Variants in TBL2 observed in about 807,000 individuals in gnomAD.
TBL2 encodes the protein transducin beta like 2, also known as transducin beta-like protein 2.
TBL2 carries 33 observed loss-of-function variants against 41.8 expected under a neutral mutation model. The observed-to-expected ratio is 0.79, with a 90% CI of 0.60 to 1.06. TBL2 has a LOEUF of 1.06. TBL2 is among the 50% of genes least tolerant of loss of function. The pLI is 0.00. For synonymous variants in TBL2, 239 were observed against 241.7 expected, an observed-to-expected ratio of 0.99 and a Z score of 0.10; for missense variants, 522 against 603.8, an observed-to-expected ratio of 0.86 and a Z score of 1.42.
rs1291450165 is a variant in TBL2 at position 73,568,694 on chromosome 7, G to C, written c.*1813C>G. On this transcript the variant is annotated 3_prime_UTR_variant, in exon 7 of 7. Transcript: ENST00000305632. ...ATCCCAGCACTTGGGGAGGCCAAGG[G>C]GGGTGGTGGATCATTTGAGGTCAGG... Among the ~76,000 whole-genome samples, 4 of 152,244 alleles carry C rather than the reference G, an allele frequency of 2.6e-5. No individual in the cohort carries two copies. The highest frequency in any genetic ancestry group is 4.4e-5 in the Non-Finnish European group (3 of 68,024).
Position 73,570,607 on chromosome 7 carries a change from T to A in TBL2, c.1244A>T (p.His415Leu), listed in dbSNP as rs782115467. 1 of 1,613,236 alleles carries A rather than the reference T, an allele frequency of 6.2e-7. No homozygotes were observed. The highest frequency in any genetic ancestry group is 1.1e-5 in the South Asian group (1 of 90,986). The change falls in exon 7 of 7, where the codon CAC becomes CTC. Residue 415 changes from histidine (H) to leucine (L), a missense_variant. Transcript: ENST00000305632. ...HRAMVEEMQG[H>L]LKRASNESTR... The stretch of plus-strand genomic sequence containing the variant: ...GCTCTCGTTGGAGGCCCGCTTCAGG[T>A]GGCCCTGCATCTCCTCCACCATGGC...
At chr7:73,578,110 T>A in intron 1 of TBL2, 1 of 711,608 alleles carries the variant, frequency 1.4e-6, no homozygotes, top group South Asian at 2.0e-5. Context: ...TTTTCCGAGA[T>A]CGCGGCCACG....
chr7:73,570,208 C>A lies in TBL2; in HGVS notation c.*299G>T, dbSNP rs782297831. On this transcript the variant is annotated 3_prime_UTR_variant, in exon 7 of 7. Coordinates refer to ENST00000305632, the MANE Select transcript of TBL2 (RefSeq NM_012453.4). ...CTGCCACAAGGCCAAAAATCACATT[C>A]TCTCTCTCTCTCCTCTCCTCTCTAC... 3.2e-4 allele frequency: 87 copies of A among 272,120 alleles called. No homozygotes were observed. Among genetic ancestry groups the A allele is most frequent in the Non-Finnish European group, 5.4e-4 (78 of 145,764 alleles). 16.9% of individuals were successfully genotyped at this position (272,120 alleles called of 1,614,324 possible). A position where few individuals can be genotyped will look rare whatever the true frequency, so the allele number is the denominator to read the frequency against.
Position 73,569,005 on chromosome 7 carries a change from T to G in TBL2, c.*1502A>C, listed in dbSNP as rs1434129755. The G allele has an allele frequency of 6.6e-6, 1 of 151,740 alleles. No individual in the cohort carries two copies. The highest frequency in any genetic ancestry group is 1.5e-5 in the Non-Finnish European group (1 of 67,948). The allele number at this position is 151,740 out of a possible 1,614,324, so 9.4% of individuals were successfully genotyped here. On this transcript the variant is annotated 3_prime_UTR_variant, in exon 7 of 7. Transcript: ENST00000305632. ...AAGTGTGATGGGAAGCCTTGGGGGG[T>G]TTTAACTAGGGAATAATGTGATCTG...
Position 73,578,460 on chromosome 7 carries a change from C to A in TBL2, c.90G>T (p.Gly30=), listed in dbSNP as rs1261957802. The change falls in exon 1 of 7, where the codon GGG becomes GGT. Residue 30 remains glycine, a synonymous_variant. Transcript: ENST00000305632. Reference sequence around the variant, plus strand: ...TCCTCTCCTCCCCCGCGCGCAGCCACCCCCGCGCTACCGCCGCCGTCGCCA... The same window carrying A: ...TCCTCTCCTCCCCCGCGCGCAGCCAACCCCGCGCTACCGCCGCCGTCGCCA... ...ALMATAAVAR[G]WLRAGEERSG... 2 of 1,560,470 alleles carry A rather than the reference C, an allele frequency of 1.3e-6. No homozygotes were observed. Among genetic ancestry groups the A allele is most frequent in the Non-Finnish European group, 1.7e-6 (2 of 1,156,654 alleles).
In TBL2 at chr7:73,567,931, A is replaced by G. The variant is rs1480135255; in HGVS notation, c.*2576T>C. Among the ~76,000 whole-genome samples the G allele has an allele frequency of 7.2e-5, 11 of 152,166 alleles. No homozygotes were observed. The South Asian group carries it at 2.3e-3, about 32-fold the overall frequency. On this transcript the variant is annotated 3_prime_UTR_variant, in exon 7 of 7. Coordinates refer to ENST00000305632, the MANE Select transcript of TBL2 (RefSeq NM_012453.4). ...AGACATCTGACTTCAGTAACTCAAC[A>G]TTCTACTGCCACTTCCTGTCCTGGA...
Position 73,578,428 on chromosome 7 carries a change from C to A in TBL2, c.122G>T (p.Arg41Leu). 1 of 1,528,146 alleles carries A rather than the reference C, an allele frequency of 6.5e-7. No individual in the cohort carries two copies. The highest frequency in any genetic ancestry group is 8.8e-7 in the Non-Finnish European group (1 of 1,139,286). 94.7% of individuals were successfully genotyped at this position (1,528,146 alleles called of 1,614,324 possible). A position where few individuals can be genotyped will look rare whatever the true frequency, so the allele number is the denominator to read the frequency against. Reference protein sequence around the residue: ...WLRAGEERSGRPACQKANGFP... With the variant: ...WLRAGEERSGLPACQKANGFP... Reference sequence around the variant, plus strand: ...GACCCGGCCCCACTTACAGGCGGGCCGGCCGCTCCTCTCCTCCCCCGCGCG... The same window carrying A: ...GACCCGGCCCCACTTACAGGCGGGCAGGCCGCTCCTCTCCTCCCCCGCGCG... Residue 41 changes from arginine (R) to leucine (L), a missense_variant, in exon 1 of 7, where the codon CGG (arginine) becomes CTG (leucine). Arg to Leu is a moderately radical substitution (Grantham distance 102). Coordinates refer to ENST00000305632, the MANE Select transcript of TBL2 (RefSeq NM_012453.4).
At chr7:73,572,214 C>G (rs782268564) in intron 5 of TBL2, among the ~76,000 whole-genome samples, 1 of 152,016 alleles carries the variant, frequency 6.6e-6, no homozygotes, top group Non-Finnish European at 1.5e-5. Context: ...TTTGGGAGGT[C>G]GAGGCAAGAG....
At chr7:73,574,677 CTGGCTGGGTATGG>C (rs1793184293) in intron 1 of TBL2, 164 bp from the exon 2 acceptor site, 1 of 962,614 alleles carries the variant, frequency 1.0e-6, no homozygotes, top group African/African-American at 1.6e-5. Flanking sequence ...GAGGCTTTGG[CTGGCTGGGTATGG>C]TGGCTCATGC....
intron 1 of TBL2, among the ~76,000 whole-genome samples, chr7:73,575,765 T>C (rs1554588795): frequency 6.6e-6 from 1 of 152,004 alleles, no homozygotes; most frequent in East Asian, 1.9e-4. Context: ...GGTTGAGAAC[T>C]GGGGGCGGTG....
At chr7:73,573,866 A>C in intron 3 of TBL2, 72 bp downstream of exon 3, 1 of 1,564,490 alleles carries the variant, frequency 6.4e-7, no homozygotes, top group Non-Finnish European at 8.6e-7. Flanking sequence ...CACTACCTCA[A>C]AGCAGATATG....
chr7:73,575,954 T>C (rs1410888862), intron 1 of TBL2, among the ~76,000 whole-genome samples: 4 of 151,790 alleles, frequency 2.6e-5, no homozygotes, highest in African/African-American at 7.3e-5. Context: ...GGAGGGAAAA[T>C]TGCTTGAGCC....
At position 73,573,076 on chromosome 7, in the gene TBL2, C is replaced by T. The variant is rs143856190; in HGVS notation, c.599-106G>A. 110 of 1,524,892 alleles carry T rather than the reference C, an allele frequency of 7.2e-5. No individual in the cohort carries two copies. The African/African-American group carries it at 1.2e-3, about 16-fold the overall frequency. The allele number at this position is 1,524,892 out of a possible 1,614,324, so 94.5% of individuals were successfully genotyped here. On this transcript the variant is annotated intron_variant, in intron 4 of 6. Coordinates refer to ENST00000305632, the MANE Select transcript of TBL2 (RefSeq NM_012453.4). ...GCTGCCCGAAGTATACATGTCTCCT[C>T]CCAGGCCAAGGGTCACTACAGATAA... is the stretch of plus-strand genomic sequence containing the variant.
Position 73,574,375 on chromosome 7 carries a change from C to T in TBL2, c.261+8G>A, listed in dbSNP as rs1038446600. 2.5e-6 allele frequency: 4 copies of T among 1,612,884 alleles called. No individual in the cohort carries two copies. In the South Asian group the frequency reaches 3.3e-5, roughly 13 times the overall value. ...CAGGGTGCACGCTGTGCCAGGTACC[C>T]CACGTACCTTCAGAGCTGCAGCCAG... On this transcript the variant is annotated splice_region_variant and intron_variant, in intron 2 of 6. Transcript: ENST00000305632.
At position 73,574,049 on chromosome 7, in the gene TBL2, C is replaced by G; in HGVS notation, c.335G>C (p.Arg112Pro). The G allele has an allele frequency of 6.2e-7, 1 of 1,614,112 alleles. No homozygotes were observed. Among genetic ancestry groups the G allele is most frequent in the Non-Finnish European group, 8.5e-7 (1 of 1,180,018 alleles). The change falls in exon 3 of 7, where the codon CGC (arginine) becomes CCC (proline). Residue 112 changes from arginine to proline, a missense_variant. Physicochemically the swap from Arg to Pro is moderately radical, Grantham distance 103. Coordinates refer to ENST00000305632, the MANE Select transcript of TBL2 (RefSeq NM_012453.4). Reference protein sequence around the residue: ...GKYLATCADDRTIRIWSTKDF... With the variant: ...GKYLATCADDPTIRIWSTKDF... ...CTTGGTGCTCCAGATGCGGATGGTGCGATCATCTGCACAGGTAGCCAGGTA... is the reference window on the plus strand; with the variant it reads ...CTTGGTGCTCCAGATGCGGATGGTGGGATCATCTGCACAGGTAGCCAGGTA...
At position 73,567,648 on chromosome 7, in the gene TBL2, A is replaced by G. The variant is rs1241386313; in HGVS notation, c.*2859T>C. Among the ~76,000 whole-genome samples, 2 of 152,228 alleles carry G rather than the reference A, an allele frequency of 1.3e-5. No individual in the cohort carries two copies. The highest frequency in any genetic ancestry group is 4.8e-5 in the African/African-American group (2 of 41,452). On this transcript the variant is annotated 3_prime_UTR_variant, in exon 7 of 7. Coordinates refer to ENST00000305632, the MANE Select transcript of TBL2 (RefSeq NM_012453.4). ...TCACATGCAGGATTTTTGATTAAAA[A>G]AAAGAAAAACCTTGGTGGCCTCTGC...
intron 1 of TBL2, among the ~76,000 whole-genome samples, chr7:73,577,500 G>A (rs1368825979): frequency 6.6e-6 from 1 of 152,146 alleles, no homozygotes; most frequent in Non-Finnish European, 1.5e-5. Flanking sequence ...CTTGAACCTG[G>A]CAGGCGGAAG....
At chr7:73,572,725 G>C (rs572431166) in intron 5 of TBL2, 119 bp downstream of exon 5, 4 of 1,431,722 alleles carry the variant, frequency 2.8e-6, no homozygotes, top group African/African-American at 1.4e-5. Flanking sequence ...CTTGAAGCTC[G>C]GGTTCCTGAC....
rs868960421 is a variant in TBL2 at position 73,578,491 on chromosome 7, G to A, written c.59C>T (p.Ala20Val). 7 of 1,586,490 alleles carry A rather than the reference G, an allele frequency of 4.4e-6. No homozygotes were observed. The highest frequency in any genetic ancestry group is 6.0e-6 in the Non-Finnish European group (7 of 1,169,136). Reference protein sequence around the residue: ...MGLSVLLGLLALMATAAVARG... With the variant: ...MGLSVLLGLLVLMATAAVARG... ...CGCTACCGCCGCCGTCGCCATCAGG[G>A]CCAGCAGCCCAAGCAACACCGACAG... The change falls in exon 1 of 7, where the codon GCC becomes GTC. Residue 20 changes from alanine to valine, a missense_variant. Ala to Val is a moderately conservative substitution (Grantham distance 64). Transcript: ENST00000305632.
Sources: allele counts gnomAD v4.1 joint callset (sites outside exome capture counted in the v4.1 genomes callset), GRCh38; gene constraint gnomAD v4.1.1; transcripts MANE v1.5; gene names NCBI Gene and HGNC (gene_info 2026-07-23, HGNC 2026-07-21).